IQCB1: variants seen among roughly 807,000 people sequenced by gnomAD.
IQCB1 encodes IQ calmodulin-binding motif-containing protein 1.
In IQCB1, 56 loss-of-function variants were observed where a neutral mutation model predicts 84.4. The observed-to-expected ratio is 0.66, with a 90% CI of 0.54 to 0.83. The LOEUF is 0.83. IQCB1 is among the 40% of genes least tolerant of loss of function. The probability of loss-of-function intolerance (pLI) is 0.00; values close to 1 mark genes in which losing one functional copy is unlikely to be tolerated. For missense variants in IQCB1, 629 were observed against 682.1 expected (o/e 0.92, Z 0.87); for synonymous variants, 210 against 234.8 (o/e 0.89, Z 0.96).
intron 7 of IQCB1, among the ~76,000 whole-genome samples, chr3:121,804,356 C>A (rs1949527098): frequency 6.6e-6 from 1 of 151,980 alleles, no homozygotes; most frequent in Non-Finnish European, 1.5e-5. Context: ...TTTATGTAAT[C>A]ACCATTTCCG....
At chr3:121,826,247 C>T (rs1023777563) in intron 4 of IQCB1, 67 bp from the exon 5 acceptor site, 1 of 1,507,680 alleles carries the variant, frequency 6.6e-7, no homozygotes, top group Admixed American at 1.7e-5. Flanking sequence ...TCTAGAGACA[C>T]TGTGCCTTAT....
At chr3:121,819,376 G>T (rs973610521) in intron 5 of IQCB1, among the ~76,000 whole-genome samples, 3 of 152,156 alleles carry the variant, frequency 2.0e-5, no homozygotes, top group Non-Finnish European at 2.9e-5. Flanking sequence ...ACAGGAGGCA[G>T]AGCTCAGGCG....
chr3:121,821,756 A>G (rs2108627036), intron 5 of IQCB1, among the ~76,000 whole-genome samples: 1 of 152,332 alleles, frequency 6.6e-6, no homozygotes, highest in East Asian at 1.9e-4. Context: ...AACTGTTTGA[A>G]GGTTTTAGAT....
intron 6 of IQCB1, 131 bp downstream of exon 6, chr3:121,808,785 T>C (rs1445026899): frequency 4.8e-6 from 3 of 618,920 alleles, no homozygotes; most frequent in Non-Finnish European, 8.8e-6. Context: ...TGTGAGCTTA[T>C]TTCAACATGG....
intron 10 of IQCB1, among the ~76,000 whole-genome samples, chr3:121,791,657 C>T (rs1288620311): frequency 6.6e-6 from 1 of 152,134 alleles, no homozygotes; most frequent in Non-Finnish European, 1.5e-5. Flanking sequence ...TAGCAACTTG[C>T]CTGTTCTACA....
chr3:121,786,202 A>AGAG (rs1559760960), intron 12 of IQCB1, among the ~76,000 whole-genome samples: 126 of 146,112 alleles, frequency 8.6e-4, no homozygotes, highest in African/African-American at 3.2e-3. Flanking sequence ...AAAGAAAAGA[A>AGAG]AAGAAAAGAA....
intron 14 of IQCB1, among the ~76,000 whole-genome samples, chr3:121,770,931 C>G (rs1299955464): frequency 1.3e-5 from 2 of 152,052 alleles, no homozygotes; most frequent in South Asian, 2.1e-4. Flanking sequence ...CTCAGCTTCC[C>G]TAAGTGTTGG....
intron 7 of IQCB1, among the ~76,000 whole-genome samples, chr3:121,803,057 C>A (rs1026006470): frequency 6.6e-6 from 1 of 151,850 alleles, no homozygotes; most frequent in African/African-American, 2.4e-5. Flanking sequence ...TTTTACGTTG[C>A]TTTTTTCTTT....
At chr3:121,793,817 T>C (rs1949082205) in intron 10 of IQCB1, among the ~76,000 whole-genome samples, 1 of 152,192 alleles carries the variant, frequency 6.6e-6, no homozygotes, top group African/African-American at 2.4e-5. Flanking sequence ...GATACACTTC[T>C]AAGTAGAAAA....
At chr3:121,796,907 T>C (rs917965303) in intron 9 of IQCB1, among the ~76,000 whole-genome samples, 1 of 152,164 alleles carries the variant, frequency 6.6e-6, no homozygotes, top group South Asian at 2.1e-4. Flanking sequence ...CAGTGGCTAC[T>C]CATGGGTGTG....
At chr3:121,809,056 C>CA (rs1949722723) in intron 5 of IQCB1, 47 bp from the exon 6 acceptor site, 6 of 893,102 alleles carry the variant, frequency 6.7e-6, no homozygotes, top group African/African-American at 1.8e-5. Flanking sequence ...AGTTTTTTTC[C>CA]TTTTTTTTTT....
At chr3:121,771,116 C>T (rs904756039) in intron 14 of IQCB1, among the ~76,000 whole-genome samples, 3 of 151,846 alleles carry the variant, frequency 2.0e-5, no homozygotes, top group Non-Finnish European at 2.9e-5. Flanking sequence ...GGATTACAGG[C>T]GTGCGCCACC....
intron 12 of IQCB1, among the ~76,000 whole-genome samples, chr3:121,782,561 G>C (rs763532126): frequency 5.9e-5 from 9 of 151,688 alleles, no homozygotes; most frequent in Admixed American, 2.0e-4. Context: ...GTTTTGTTTT[G>C]TTTTTCATTT....
At chr3:121,786,012 A>G (rs1576550760) in intron 12 of IQCB1, among the ~76,000 whole-genome samples, 2 of 150,076 alleles carry the variant, frequency 1.3e-5, no homozygotes, top group East Asian at 3.9e-4. Flanking sequence ...CTACTGAAAA[A>G]AAAAAAAAAT....
chr3:121,828,934 C>G lies in IQCB1; in HGVS notation c.27G>C (p.Arg9Ser), dbSNP rs1448558771. The change falls in exon 3 of 15, where the codon AGG becomes AGC. Residue 9 changes from arginine to serine, a missense_variant. Physicochemically the swap from Arg to Ser is moderately radical, Grantham distance 110 (BLOSUM62 -1). Coordinates refer to ENST00000310864, the MANE Select transcript of IQCB1 (RefSeq NM_001023570.4). MKPTGTDP[R>S]ILSIAAEVAK... Reference sequence around the variant, plus strand: ...CAACTTCAGCAGCTATAGATAAGATCCTTGGGTCTGTACCTGTTGGCTTCA... The same window carrying G: ...CAACTTCAGCAGCTATAGATAAGATGCTTGGGTCTGTACCTGTTGGCTTCA... The G allele has an allele frequency of 1.2e-6, 2 of 1,610,954 alleles. No individual in the cohort carries two copies. Among genetic ancestry groups the G allele is most frequent in the South Asian group, 2.2e-5 (2 of 90,976 alleles).
intron 5 of IQCB1, among the ~76,000 whole-genome samples, chr3:121,824,198 T>C (rs1950372837): frequency 1.3e-5 from 2 of 152,292 alleles, no homozygotes; most frequent in South Asian, 2.1e-4. Flanking sequence ...AGTGGATGCC[T>C]GAAGGTGTGG....
intron 13 of IQCB1, among the ~76,000 whole-genome samples, chr3:121,779,088 A>C (rs1948369521): frequency 6.6e-6 from 1 of 151,954 alleles, no homozygotes; most frequent in Middle Eastern, 3.4e-3. Flanking sequence ...TATATATAAA[A>C]ATTTTTTTTT....
At chr3:121,798,550 T>C (rs1187135120) in intron 8 of IQCB1, among the ~76,000 whole-genome samples, 2 of 151,874 alleles carry the variant, frequency 1.3e-5, no homozygotes, top group Non-Finnish European at 2.9e-5. Context: ...TCTATATCTA[T>C]AAAATAAGGA....
chr3:121,771,977 C>T (rs1948011046), intron 14 of IQCB1, among the ~76,000 whole-genome samples: 2 of 151,984 alleles, frequency 1.3e-5, no homozygotes, highest in Non-Finnish European at 2.9e-5. Flanking sequence ...AGATCGAGAC[C>T]ATCCTGGCCA....
Sources: gnomAD v4.1 joint callset for allele counts (sites outside exome capture counted in the v4.1 genomes callset) on GRCh38, gnomAD v4.1.1 for gene constraint, MANE v1.5 for transcripts, NCBI Gene and HGNC (gene_info 2026-07-23, HGNC 2026-07-21) for gene names.